The following RBSN variants were observed in gnomAD, a reference collection of about 807,000 sequenced individuals.
The protein encoded by RBSN is rabenosyn-5.
Under a neutral mutation model 60.5 loss-of-function variants are expected in RBSN, and 34 were observed. The ratio of observed to expected loss-of-function variants is 0.56; its 90% CI spans 0.43 to 0.75. The LOEUF is 0.75. Ranked by LOEUF, RBSN falls within the 30% of genes least tolerant of loss-of-function variation. The pLI is 0.00. For missense variants in RBSN, 845 were observed against 986.8 expected (o/e 0.86, Z 1.92); for synonymous variants, 322 against 366.9 (o/e 0.88, Z 1.40).
At chr3:15,096,834 T>C (rs1303768855) in intron 2 of RBSN, 124 bp from the exon 3 acceptor site, 1 of 152,196 alleles carries the variant, frequency 6.6e-6, no homozygotes, top group African/African-American at 2.4e-5. Context: ...AGAAAAAATC[T>C]ATTTTATATT....
At position 15,084,116 on chromosome 3, in the gene RBSN, T is replaced by G; in HGVS notation, c.598+619A>C. On this transcript the variant is annotated intron_variant, in intron 8 of 13. Coordinates refer to ENST00000253699, the MANE Select transcript of RBSN (RefSeq NM_022340.4). The surrounding 1 kb of genome is among the most constrained non-coding windows in gnomAD (Gnocchi z 4.2). ...GTATAATTTTCACATTGCTATTTTA[T>G]TTTATTTATTTATTTTTTTGAGATG... 6.6e-6 allele frequency among the ~76,000 whole-genome samples: 1 copy of G among 152,160 alleles called. No homozygotes were observed. Among genetic ancestry groups the G allele is most frequent in the Admixed American group, 6.5e-5 (1 of 15,274 alleles).
Position 15,074,191 on chromosome 3 carries a change from AC to A in RBSN, c.1945del (p.Val649PhefsTer3). On this transcript the variant is annotated frameshift_variant, in exon 14 of 14. Coordinates refer to ENST00000253699, the MANE Select transcript of RBSN (RefSeq NM_022340.4). LOFTEE classifies it low-confidence loss of function (END_TRUNC). This position sits in a 1 kb window ranked among gnomAD's most constrained non-coding sequence, Gnocchi z 6.4. ...GATGCGGGCTGAAGGGTCTAAGGAA[AC>A]CCCTGCAGCAGGAGGACCAGTAGTG... is the stretch of plus-strand genomic sequence containing the variant. ...EATTGPPAAG[V>X]SLDPSARILK... 1 of 1,610,944 alleles carries A rather than the reference AC, an allele frequency of 6.2e-7. No individual in the cohort carries two copies. Among genetic ancestry groups the A allele is most frequent in the East Asian group, 2.2e-5 (1 of 44,822 alleles).
chr3:15,077,034 C>A lies in RBSN; in HGVS notation c.1101+28G>T. On this transcript the variant is annotated intron_variant, in intron 12 of 13. Transcript: ENST00000253699. This position sits in a 1 kb window ranked among gnomAD's most constrained non-coding sequence, Gnocchi z 4.4. The stretch of plus-strand genomic sequence containing the variant: ...AAAGAGCAGGACAGGCCAAGTGCAA[C>A]ATTTATGCCAACCCAGGATGGCTTT... The A allele has an allele frequency of 6.2e-7, 1 of 1,607,354 alleles. No homozygotes were observed. Among genetic ancestry groups the A allele is most frequent in the Non-Finnish European group, 8.5e-7 (1 of 1,173,962 alleles).
chr3:15,071,576 C>T lies in RBSN; in HGVS notation c.*2206G>A, dbSNP rs1245892083. 6.6e-6 allele frequency: 1 copy of T among 152,246 alleles called. No individual in the cohort carries two copies. Among genetic ancestry groups the T allele is most frequent in the African/African-American group, 2.4e-5 (1 of 41,450 alleles). 9.4% of individuals were successfully genotyped at this position (152,246 alleles called of 1,614,324 possible). On this transcript the variant is annotated 3_prime_UTR_variant, in exon 14 of 14. Transcript: ENST00000253699. ...CATATGGCTGTTTGTGAACAGATCC[C>T]AAATGCAAAGCGTCCTTCACACACT...
chr3:15,085,997 T>G, intron 5 of RBSN, 36 bp from the exon 6 acceptor site: 1 of 1,570,502 alleles, frequency 6.4e-7, no homozygotes, highest in Non-Finnish European at 8.7e-7. Context: ...AAATGACTTA[T>G]AGTTTCTCTG....
rs1240665215 is a variant in RBSN, at chr3:15,077,599, T to A, written c.999-435A>T. On this transcript the variant is annotated intron_variant, in intron 11 of 13. Coordinates refer to ENST00000253699, the MANE Select transcript of RBSN (RefSeq NM_022340.4). The surrounding 1 kb of genome is among the most constrained non-coding windows in gnomAD (Gnocchi z 4.4). Reference sequence around the variant, plus strand: ...GGATGGACAAAGGCACCTCATCTTATTCTCCCTCTGAGTCACTGGCTAATT... The same window carrying A: ...GGATGGACAAAGGCACCTCATCTTAATCTCCCTCTGAGTCACTGGCTAATT... 1.3e-5 allele frequency among the ~76,000 whole-genome samples: 2 copies of A among 152,214 alleles called. No individual in the cohort carries two copies. The highest frequency in any genetic ancestry group is 4.8e-5 in the African/African-American group (2 of 41,446).
chr3:15,090,601 G>A, intron 4 of RBSN, 62 bp from the exon 5 acceptor site: 1 of 1,553,780 alleles, frequency 6.4e-7, no homozygotes, highest in Non-Finnish European at 8.7e-7. Context: ...ACAGTCAAAA[G>A]AAATCTCAAA....
Position 15,072,447 on chromosome 3 carries a change from G to A in RBSN, c.*1335C>T, listed in dbSNP as rs1009775590. On this transcript the variant is annotated 3_prime_UTR_variant, in exon 14 of 14. Transcript: ENST00000253699. ...AAGTCAGGACACAATGAACCAAAAA[G>A]GAAGAAGGCTGATCAAATAGCCTTG... 3.3e-5 allele frequency: 5 copies of A among 152,188 alleles called. No individual in the cohort carries two copies. The highest frequency in any genetic ancestry group is 1.2e-4 in the African/African-American group (5 of 41,450). The allele number at this position is 152,188 out of a possible 1,614,324, so 9.4% of individuals were successfully genotyped here. A position where few individuals can be genotyped will look rare whatever the true frequency, so the allele number is the denominator to read the frequency against.
chr3:15,078,829 G>C (rs1445016977), intron 10 of RBSN, among the ~76,000 whole-genome samples: 5 of 68,850 alleles, frequency 7.3e-5, no homozygotes, highest in Non-Finnish European at 5.7e-5. Context: ...TATATACATG[G>C]TTTTGTTTTA....
chr3:15,090,813 G>C (rs747415921), intron 4 of RBSN, among the ~76,000 whole-genome samples: 1 of 152,180 alleles, frequency 6.6e-6, no homozygotes, highest in Non-Finnish European at 1.5e-5. Flanking sequence ...AAATTTAAGA[G>C]CACAATTAAA....
intron 1 of RBSN, among the ~76,000 whole-genome samples, chr3:15,098,617 A>G (rs1220568642): frequency 6.6e-6 from 1 of 152,122 alleles, no homozygotes; most frequent in Non-Finnish European, 1.5e-5. Flanking sequence ...TAACATGATT[A>G]TACACACATC....
chr3:15,073,865 G>C lies in RBSN; in HGVS notation c.2272C>G (p.Arg758Gly). The change falls in exon 14 of 14, where the codon CGC (arginine) becomes GGC (glycine). Residue 758 changes from arginine (R) to glycine (G), a missense_variant. Physicochemically the swap from Arg to Gly is moderately radical, Grantham distance 125 (BLOSUM62 -2). Transcript: ENST00000253699. ...AYIFDAKQCG[R>G]LDEVEVLTEN... is the part of the protein sequence containing the mutation. The stretch of plus-strand genomic sequence containing the variant: ...GTCAGCACCTCTACCTCATCCAGGC[G>C]GCCGCACTGCTTGGCATCAAAGATG... The C allele has an allele frequency of 1.2e-6, 2 of 1,613,972 alleles. No individual in the cohort carries two copies. The highest frequency in any genetic ancestry group is 1.7e-6 in the Non-Finnish European group (2 of 1,180,022).
chr3:15,073,948 G>A lies in RBSN; in HGVS notation c.2189C>T (p.Ala730Val), dbSNP rs1270483229. Residue 730 changes from alanine to valine, a missense_variant, in exon 14 of 14, where the codon GCT becomes GTT. Physicochemically the swap from Ala to Val is moderately conservative, Grantham distance 64 (BLOSUM62 0). Transcript: ENST00000253699. ...FEMDSDSGPE[A>V]EEPIEEELLL... ...GAGCTCTTCCTCTATGGGCTCCTCA[G>A]CCTCTGGCCCACTGTCACTGTCCAT... The A allele has an allele frequency of 6.2e-7, 1 of 1,614,088 alleles. No individual in the cohort carries two copies. The highest frequency in any genetic ancestry group is 2.2e-5 in the East Asian group (1 of 44,870).
In RBSN at chr3:15,075,687, T is replaced by C. The variant is rs2043035776; in HGVS notation, c.1125A>G (p.Ser375=). The stretch of plus-strand genomic sequence containing the variant: ...CCTCAAACTGTTCTTTGGTTGGCAG[T>C]GACATCAAACCAAGCAACTTTTCCT... The part of the protein sequence containing the change: ...FVQEKLLGLM[S]LPTKEQFEEL... Residue 375 remains serine (S), a synonymous_variant, in exon 13 of 14, where the codon TCA becomes TCG. Coordinates refer to ENST00000253699, the MANE Select transcript of RBSN (RefSeq NM_022340.4). The C allele has an allele frequency of 3.1e-6, 5 of 1,614,202 alleles. No individual in the cohort carries two copies. Among genetic ancestry groups the C allele is most frequent in the Non-Finnish European group, 4.2e-6 (5 of 1,180,042 alleles).
Position 15,082,646 on chromosome 3 carries a change from C to G in RBSN, c.599-38G>C, listed in dbSNP as rs1390853438. ...CACCAACAGGCAGCAATGACCCCCA[C>G]AGCATCCAATTACCATACCCACGAC... is the stretch of plus-strand genomic sequence containing the variant. On this transcript the variant is annotated intron_variant, in intron 8 of 13. Coordinates refer to ENST00000253699, the MANE Select transcript of RBSN (RefSeq NM_022340.4). The surrounding 1 kb of genome is among the most constrained non-coding windows in gnomAD (Gnocchi z 4.2). 6 of 1,605,466 alleles carry G rather than the reference C, an allele frequency of 3.7e-6. No homozygotes were observed. In the South Asian group the frequency reaches 4.4e-5, roughly 12 times the overall value.
chr3:15,095,625 T>A, intron 4 of RBSN: 1 of 422,384 alleles, frequency 2.4e-6, no homozygotes, highest in Non-Finnish European at 4.2e-6. Context: ...AAGAAATTCC[T>A]CTCCAAACCC....
At position 15,078,809 on chromosome 3, in the gene RBSN, T is replaced by C. The variant is rs1380827356; in HGVS notation, c.912-648A>G. 2.5e-4 allele frequency among the ~76,000 whole-genome samples: 31 copies of C among 126,238 alleles called. 1 individual carries two copies. Among genetic ancestry groups the C allele is most frequent in the African/African-American group, 6.1e-4 (20 of 32,544 alleles). The allele number at this position is 126,238 out of a possible 152,430, so 82.8% of individuals were successfully genotyped here. A position where few individuals can be genotyped will look rare whatever the true frequency, so the allele number is the denominator to read the frequency against. ...ATATATATATATATATATATATATA[T>C]ATATATATATATATACATGGTTTTG... On this transcript the variant is annotated intron_variant, in intron 10 of 13. Transcript: ENST00000253699.
At chr3:15,079,565 C>A (rs1312716155) in intron 10 of RBSN, among the ~76,000 whole-genome samples, 1 of 152,076 alleles carries the variant, frequency 6.6e-6, no homozygotes, top group Non-Finnish European at 1.5e-5. Flanking sequence ...GATGGATAAA[C>A]AAAATGTGAC....
intron 13 of RBSN, chr3:15,075,306 G>T (rs965643368): frequency 4.3e-4 from 266 of 622,908 alleles, no homozygotes; most frequent in Non-Finnish European, 1.4e-4. Context: ...GTTCTACAAG[G>T]AACTTCCTAA....
Sources: gnomAD v4.1 joint callset for allele counts (sites outside exome capture counted in the v4.1 genomes callset) on GRCh38, gnomAD v4.1.1 for gene constraint, Gnocchi (gnomAD v3.1) non-coding constraint, MANE v1.5 for transcripts, NCBI Gene and HGNC (gene_info 2026-07-23, HGNC 2026-07-21) for gene names.